Variants in GRIP1 observed in about 807,000 individuals in gnomAD.
The protein encoded by GRIP1 is glutamate receptor interacting protein 1.
In GRIP1, 45 loss-of-function variants were observed where a neutral mutation model predicts 129.9. The ratio of observed to expected loss-of-function variants is 0.35; its 90% CI spans 0.27 to 0.44. GRIP1 has a LOEUF of 0.44. Ranked by LOEUF, GRIP1 falls within the 20% of genes least tolerant of loss-of-function variation. The pLI is 1.00. For synonymous variants in GRIP1, 530 were observed against 520.8 expected, an observed-to-expected ratio of 1.02 and a Z score of -0.24; for missense variants, 1,196 against 1,396.8, an observed-to-expected ratio of 0.86 and a Z score of 2.29.
chr12:66,769,416 C>T (rs1453941831), intron 1 of GRIP1, among the ~76,000 whole-genome samples: 2 of 152,040 alleles, frequency 1.3e-5, no homozygotes, highest in Non-Finnish European at 2.9e-5. Context: ...CCTCCTCTTT[C>T]TGCATGCTTA....
chr12:66,791,372 AAG>A (rs1455732432), intron 1 of GRIP1, among the ~76,000 whole-genome samples: 6 of 152,144 alleles, frequency 3.9e-5, no homozygotes, highest in African/African-American at 1.4e-4. Flanking sequence ...GGGAAAGGGA[AAG>A]AGAGTGGCTG....
chr12:66,433,806 A>C (rs1021033886), intron 13 of GRIP1, among the ~76,000 whole-genome samples: 11 of 152,192 alleles, frequency 7.2e-5, no homozygotes, highest in African/African-American at 2.7e-4. Flanking sequence ...GCATAAGCAG[A>C]GGATTGTGGG....
intron 16 of GRIP1, among the ~76,000 whole-genome samples, chr12:66,399,767 T>G (rs2056918842): frequency 6.6e-6 from 1 of 151,926 alleles, no homozygotes; most frequent in Non-Finnish European, 1.5e-5. Context: ...AATAGGAGGC[T>G]TGGATTTGGG....
At chr12:66,974,702 G>A (rs1396268711) in intron 1 of GRIP1, among the ~76,000 whole-genome samples, 1 of 152,142 alleles carries the variant, frequency 6.6e-6, no homozygotes, top group Non-Finnish European at 1.5e-5. Context: ...TTCAACAAAT[G>A]TTTGCTATTA....
At chr12:66,602,848 CTTTTTTTTTTTTTTT>C (rs71436016) in intron 1 of GRIP1, among the ~76,000 whole-genome samples, 6 of 71,662 alleles carry the variant, frequency 8.4e-5, no homozygotes, top group African/African-American at 1.4e-4. Flanking sequence ...AGATCTTTTG[CTTTTTTTTTTTTTTT>C]TTTTTTTTTT....
In GRIP1 at chr12:66,353,563, C is replaced by T. The variant is rs746348835; in HGVS notation, c.3013G>A (p.Val1005Met). The T allele has an allele frequency of 5.7e-5, 92 of 1,613,664 alleles. 1 individual carries two copies. Among genetic ancestry groups the T allele is most frequent in the Non-Finnish European group, 7.4e-5 (87 of 1,179,718 alleles). The change falls in exon 24 of 25, where the codon GTG (valine) becomes ATG (methionine). Residue 1005 changes from valine (V) to methionine (M), a missense_variant and splice_region_variant. This residue lies in a region of GRIP1 where 427 missense variants were observed against 463.3 expected (regional missense o/e 0.92). Coordinates refer to ENST00000359742, the MANE Select transcript of GRIP1 (RefSeq NM_001366722.1). Reference sequence around the variant, plus strand: ...ATGTCAGAGTCCTTGTACAAGGTCACCTGAAGAGAGAAAATGGGATGTGAA... The same window carrying T: ...ATGTCAGAGTCCTTGTACAAGGTCATCTGAAGAGAGAAAATGGGATGTGAA... ...MSPTPVELHKVTLYKDSDMED... is the reference protein window; with the variant it reads ...MSPTPVELHKMTLYKDSDMED...
intron 1 of GRIP1, among the ~76,000 whole-genome samples, chr12:66,873,058 C>G (rs192362920): frequency 1.3e-5 from 2 of 152,170 alleles, no homozygotes; most frequent in East Asian, 3.9e-4. Context: ...AATAGAGTAC[C>G]TACAGGTGGC....
intron 1 of GRIP1, among the ~76,000 whole-genome samples, chr12:66,875,046 AT>A (rs1396737779): frequency 1.3e-5 from 2 of 152,068 alleles, no homozygotes; most frequent in Non-Finnish European, 2.9e-5. Flanking sequence ...CATGTTTTAT[AT>A]TTTCTTCACC....
At chr12:66,929,164 A>C (rs929573678) in intron 1 of GRIP1, among the ~76,000 whole-genome samples, 3 of 152,214 alleles carry the variant, frequency 2.0e-5, no homozygotes, top group African/African-American at 4.8e-5. Context: ...CTCTAACCAC[A>C]TATGTGAGGC....
intron 5 of GRIP1, among the ~76,000 whole-genome samples, chr12:66,522,997 C>T (rs1318922878): frequency 6.6e-6 from 1 of 152,056 alleles, no homozygotes; most frequent in Non-Finnish European, 1.5e-5. Flanking sequence ...TAAAAAGAAA[C>T]AAACAAAGCC....
chr12:67,013,302 T>C (rs1163163208), intron 1 of GRIP1, among the ~76,000 whole-genome samples: 1 of 152,206 alleles, frequency 6.6e-6, no homozygotes, highest in African/African-American at 2.4e-5. Context: ...ACAAATGCTC[T>C]TCATTATCTT....
At chr12:66,846,421 G>C (rs1246702358) in intron 1 of GRIP1, among the ~76,000 whole-genome samples, 1 of 152,140 alleles carries the variant, frequency 6.6e-6, no homozygotes, top group Non-Finnish European at 1.5e-5. Flanking sequence ...CCCAGTATCT[G>C]TCATGGAATT....
At chr12:66,451,686 T>C (rs1372698645) in intron 11 of GRIP1, among the ~76,000 whole-genome samples, 1 of 152,048 alleles carries the variant, frequency 6.6e-6, no homozygotes, top group African/African-American at 2.4e-5. Flanking sequence ...TAATGTGTTT[T>C]TATTATTGAT....
intron 1 of GRIP1, among the ~76,000 whole-genome samples, chr12:67,045,475 A>C (rs1592509666): frequency 6.6e-6 from 1 of 152,170 alleles, no homozygotes; most frequent in East Asian, 1.9e-4. Flanking sequence ...CTGTTACAGG[A>C]GGCAACTTTC....
At chr12:66,998,013 C>A (rs1276074277) in intron 1 of GRIP1, among the ~76,000 whole-genome samples, 1 of 151,842 alleles carries the variant, frequency 6.6e-6, no homozygotes, top group Non-Finnish European at 1.5e-5. Context: ...TTTTTAAAAC[C>A]AAGACAAACT....
chr12:66,468,842 T>G (rs1271286373), intron 7 of GRIP1, among the ~76,000 whole-genome samples: 2 of 152,198 alleles, frequency 1.3e-5, no homozygotes, highest in Non-Finnish European at 2.9e-5. Context: ...TGCCAGATCC[T>G]CTGCCATCAT....
chr12:66,774,162 A>G (rs1048759384), intron 1 of GRIP1, among the ~76,000 whole-genome samples: 8 of 152,186 alleles, frequency 5.3e-5, no homozygotes, highest in African/African-American at 1.9e-4. Context: ...GGGCCACCAT[A>G]TACTCATTGT....
At chr12:66,794,286 T>G (rs755987062) in intron 1 of GRIP1, among the ~76,000 whole-genome samples, 2 of 152,218 alleles carry the variant, frequency 1.3e-5, no homozygotes, top group Non-Finnish European at 2.9e-5. Flanking sequence ...GGGTGGCTTA[T>G]GGGAATCAGT....
chr12:67,008,196 T>C (rs867001917), intron 1 of GRIP1, among the ~76,000 whole-genome samples: 2 of 152,220 alleles, frequency 1.3e-5, no homozygotes, highest in Admixed American at 6.6e-5. Context: ...CTTTCATATG[T>C]GCACAGGAGA....
Sources: allele counts gnomAD v4.1 joint callset (sites outside exome capture counted in the v4.1 genomes callset), GRCh38; gene constraint gnomAD v4.1.1; regional missense constraint gnomAD v4.1.1; transcripts MANE v1.5; gene names NCBI Gene and HGNC (gene_info 2026-07-23, HGNC 2026-07-21).